Variants in FAF2 observed in about 807,000 individuals in gnomAD.
FAF2 encodes the protein FAS-associated factor 2.
Under a neutral mutation model 62.3 loss-of-function variants are expected in FAF2, and 9 were observed. The observed-to-expected ratio is 0.14, with a 90% CI of 0.09 to 0.25. The LOEUF (loss-of-function observed/expected upper bound fraction) is 0.25, where lower values mean the gene tolerates loss of function less well. Among genes scored for constraint, FAF2 ranks in the 10% least tolerant of loss-of-function variants. The probability of loss-of-function intolerance (pLI) is 1.00; values close to 1 mark genes in which losing one functional copy is unlikely to be tolerated. For synonymous variants in FAF2, 202 were observed against 198.0 expected (o/e 1.02, Z -0.17); for missense variants, 368 against 556.2 (o/e 0.66, Z 3.40).
chr5:176,506,152 T>A (rs186971058), intron 10 of FAF2, among the ~76,000 whole-genome samples: 3 of 149,214 alleles, frequency 2.0e-5, no homozygotes, highest in African/African-American at 7.4e-5. Flanking sequence ...GATGGCGCCA[T>A]TGCACTCCAT....
chr5:176,475,597 G>A (rs1336328579), intron 1 of FAF2, among the ~76,000 whole-genome samples: 8 of 151,712 alleles, frequency 5.3e-5, no homozygotes, highest in South Asian at 4.2e-4. Context: ...GTGAAACCTC[G>A]TCCCTACTAA....
chr5:176,451,875 C>T (rs71591835), intron 1 of FAF2, among the ~76,000 whole-genome samples: 552 of 23,800 alleles, frequency 0.023, 38 homozygotes, highest in African/African-American at 0.037. Flanking sequence ...TATATACACA[C>T]ATATATATAT....
At chr5:176,491,377 G>T (rs1294941485) in intron 4 of FAF2, among the ~76,000 whole-genome samples, 2 of 152,162 alleles carry the variant, frequency 1.3e-5, no homozygotes, top group African/African-American at 4.8e-5. Flanking sequence ...TACAAGAGCT[G>T]CCAGTACTCC....
intron 1 of FAF2, among the ~76,000 whole-genome samples, chr5:176,457,401 G>A (rs1219196720): frequency 1.3e-5 from 2 of 152,028 alleles, no homozygotes; most frequent in Non-Finnish European, 2.9e-5. Context: ...ATGTTGGGCA[G>A]GCTGGTCTCG....
intron 3 of FAF2, among the ~76,000 whole-genome samples, 164 bp from the exon 4 acceptor site, chr5:176,488,787 G>A (rs1758919130): frequency 6.6e-6 from 1 of 152,148 alleles, no homozygotes; most frequent in Admixed American, 6.6e-5. Flanking sequence ...TAAGACCAAA[G>A]ATGGTGGCAC....
rs925120411 is a variant in FAF2, at chr5:176,508,221, T to C, written c.*1271T>C. On this transcript the variant is annotated 3_prime_UTR_variant, in exon 11 of 11. Transcript: ENST00000261942. Reference sequence around the variant, plus strand: ...TAGGGTTTTTTTTAACCTCTGGATGTCTCGTCTGTGGTTGAGTTTATGGTA... The same window carrying C: ...TAGGGTTTTTTTTAACCTCTGGATGCCTCGTCTGTGGTTGAGTTTATGGTA... 1 of 152,298 alleles carries C rather than the reference T, an allele frequency of 6.6e-6. No homozygotes were observed. The highest frequency in any genetic ancestry group is 6.5e-5 in the Admixed American group (1 of 15,270). 9.4% of individuals were successfully genotyped at this position (152,298 alleles called of 1,614,324 possible).
At position 176,448,385 on chromosome 5, in the gene FAF2, A is replaced by G. The variant is rs1240428885; in HGVS notation, c.-23A>G. 3 of 1,598,720 alleles carry G rather than the reference A, an allele frequency of 1.9e-6. No individual in the cohort carries two copies. Among genetic ancestry groups the G allele is most frequent in the African/African-American group, 2.7e-5 (2 of 74,710 alleles). On this transcript the variant is annotated 5_prime_UTR_variant, in exon 1 of 11. Coordinates refer to ENST00000261942, the MANE Select transcript of FAF2 (RefSeq NM_014613.3). ...CGGCGGGTGACGGTGCGGACGGGTC[A>G]GGAGCGTAGAGGCGGCGGCAAAATG...
intron 1 of FAF2, among the ~76,000 whole-genome samples, chr5:176,464,297 G>T (rs1249315949): frequency 6.6e-6 from 1 of 151,740 alleles, no homozygotes; most frequent in East Asian, 1.9e-4. Context: ...GGGTTTTTTT[G>T]GAAATGTTTA....
intron 1 of FAF2, among the ~76,000 whole-genome samples, chr5:176,458,114 A>G (rs1375431989): frequency 6.6e-6 from 1 of 151,896 alleles, no homozygotes; most frequent in Admixed American, 6.6e-5. Context: ...TTGACAGAGT[A>G]TCTGTCGCCC....
At chr5:176,488,666 G>T (rs1393597681) in intron 3 of FAF2, among the ~76,000 whole-genome samples, 1 of 151,578 alleles carries the variant, frequency 6.6e-6, no homozygotes, top group Non-Finnish European at 1.5e-5. Flanking sequence ...CAGGTGATCT[G>T]CCCCACTCAG....
chr5:176,506,905 C>G lies in FAF2; in HGVS notation c.1293C>G (p.Leu431=), dbSNP rs1755693856. ...PNPPTLQEAG[L]SHTEVLFVQD... is the part of the protein sequence containing the mutation. ...CCCCTACGCTACAGGAGGCCGGACTCAGCCACACAGAAGTTCTTTTTGTTC... is the reference window on the plus strand; with the variant it reads ...CCCCTACGCTACAGGAGGCCGGACTGAGCCACACAGAAGTTCTTTTTGTTC... The change falls in exon 11 of 11, where the codon CTC becomes CTG. Residue 431 remains leucine, a synonymous_variant. Coordinates refer to ENST00000261942, the MANE Select transcript of FAF2 (RefSeq NM_014613.3). 6.2e-7 allele frequency: 1 copy of G among 1,606,430 alleles called. No individual in the cohort carries two copies. The highest frequency in any genetic ancestry group is 8.5e-7 in the Non-Finnish European group (1 of 1,175,384).
chr5:176,472,532 C>T (rs1449176427), intron 1 of FAF2, among the ~76,000 whole-genome samples: 1 of 151,752 alleles, frequency 6.6e-6, no homozygotes, highest in Admixed American at 6.6e-5. Flanking sequence ...ATCCTCTTAC[C>T]TTGGCCTCCC....
intron 5 of FAF2, among the ~76,000 whole-genome samples, chr5:176,493,541 C>G (rs1314509881): frequency 6.6e-6 from 1 of 152,252 alleles, no homozygotes; most frequent in Non-Finnish European, 1.5e-5. Flanking sequence ...GTCCATCATT[C>G]CTACTCGATA....
intron 5 of FAF2, 88 bp downstream of exon 5, chr5:176,492,420 C>T: frequency 7.2e-7 from 1 of 1,391,662 alleles, no homozygotes; most frequent in East Asian, 2.6e-5. Flanking sequence ...TCATGTCCTT[C>T]TTGTACTCAA....
At chr5:176,469,489 T>TGCAAA (rs1403126987) in intron 1 of FAF2, among the ~76,000 whole-genome samples, 1 of 152,204 alleles carries the variant, frequency 6.6e-6, no homozygotes, top group Non-Finnish European at 1.5e-5. Context: ...AAGCTGGCAT[T>TGCAAA]GCAAAACTTA....
chr5:176,462,902 A>G (rs1158991637), intron 1 of FAF2, among the ~76,000 whole-genome samples: 2 of 152,206 alleles, frequency 1.3e-5, no homozygotes, highest in African/African-American at 2.4e-5. Flanking sequence ...TGGAGGACCA[A>G]TAAAGTTTGC....
intron 1 of FAF2, among the ~76,000 whole-genome samples, chr5:176,464,069 T>G (rs1758424733): frequency 6.6e-6 from 1 of 152,178 alleles, no homozygotes; most frequent in South Asian, 2.1e-4. Flanking sequence ...TAAAATTGCT[T>G]GTGTCTCTAA....
chr5:176,462,847 A>G (rs563112779), intron 1 of FAF2, among the ~76,000 whole-genome samples: 4 of 152,266 alleles, frequency 2.6e-5, no homozygotes, highest in Admixed American at 2.0e-4. Flanking sequence ...AGAAGGGGTG[A>G]GGGATGGGCA....
intron 1 of FAF2, among the ~76,000 whole-genome samples, chr5:176,451,828 ACAT>A (rs1758180838): frequency 2.1e-5 from 1 of 47,498 alleles, no homozygotes; most frequent in Admixed American, 2.9e-4. Flanking sequence ...ATATATATAT[ACAT>A]ATATATATAT....
Sources: gnomAD v4.1 joint callset for allele counts (sites outside exome capture counted in the v4.1 genomes callset) on GRCh38, gnomAD v4.1.1 for gene constraint, MANE v1.5 for transcripts, NCBI Gene and HGNC (gene_info 2026-07-23, HGNC 2026-07-21) for gene names.